Variants in USP47 observed in about 807,000 individuals in gnomAD.
USP47 encodes ubiquitin carboxyl-terminal hydrolase 47.
Under a neutral mutation model 165.1 loss-of-function variants are expected in USP47, and 35 were observed. That is an observed-to-expected ratio of 0.21 (90% CI 0.16 to 0.28). USP47 has a LOEUF of 0.28. USP47 is among the 10% of genes least tolerant of loss of function. The pLI is 1.00. For missense variants in USP47, 1,277 were observed against 1,607.4 expected (o/e 0.79, Z 3.52); for synonymous variants, 531 against 544.5 (o/e 0.98, Z 0.35).
intron 1 of USP47, among the ~76,000 whole-genome samples, chr11:11,845,539 A>G (rs997150908): frequency 2.0e-5 from 3 of 151,690 alleles, no homozygotes; most frequent in African/African-American, 7.3e-5. Context: ...TTTATATATT[A>G]TTTGTTGTGA....
intron 27 of USP47, 126 bp downstream of exon 27, chr11:11,955,290 G>A: frequency 1.7e-6 from 2 of 1,160,798 alleles, no homozygotes; most frequent in Admixed American, 2.9e-5. Context: ...GAAATACAGT[G>A]ACAGCCAAAC....
chr11:11,884,905 C>G (rs1003546231), intron 3 of USP47, among the ~76,000 whole-genome samples: 3 of 152,112 alleles, frequency 2.0e-5, no homozygotes, highest in African/African-American at 7.2e-5. Flanking sequence ...TCAGTAGTGA[C>G]CCTTCCTTTG....
In USP47 at chr11:11,956,167, C is replaced by T. The variant is rs1564898558; in HGVS notation, c.4060C>T (p.Gln1354Ter). The T allele has an allele frequency of 1.9e-6, 3 of 1,613,892 alleles. No homozygotes were observed. Among genetic ancestry groups the T allele is most frequent in the Non-Finnish European group, 2.5e-6 (3 of 1,179,960 alleles). The change falls in exon 28 of 28, where the codon CAA (glutamine) becomes TAA (stop). Residue 1354 changes from glutamine (Q) to a stop codon, truncating the protein, a stop_gained. Coordinates refer to ENST00000527733, the MANE Select transcript of USP47 (RefSeq NM_001282659.2). LOFTEE classifies it high-confidence loss of function. Reference protein sequence around the residue: ...LDGAPNKDLTQD With the variant: ...LDGAPNKDLT ...TGGAGCACCAAATAAAGATCTGACT[C>T]AAGACTGACTCTGATAGTGTAGCAT...
At chr11:11,922,498 A>G (rs1325264303) in intron 10 of USP47, among the ~76,000 whole-genome samples, 2 of 151,990 alleles carry the variant, frequency 1.3e-5, no homozygotes, top group Non-Finnish European at 2.9e-5. Flanking sequence ...AATTTGTTGT[A>G]TTAGAATTTT....
intron 19 of USP47, among the ~76,000 whole-genome samples, chr11:11,941,776 T>C (rs923673675): frequency 1.3e-5 from 2 of 152,120 alleles, no homozygotes; most frequent in Non-Finnish European, 2.9e-5. Flanking sequence ...CAATATCTAG[T>C]CAGTGTTCAA....
rs1199088116 is a variant in USP47 at position 11,959,656 on chromosome 11, G to C, written c.*3481G>C. 6.6e-6 allele frequency among the ~76,000 whole-genome samples: 1 copy of C among 152,198 alleles called. No individual in the cohort carries two copies. Among genetic ancestry groups the C allele is most frequent in the African/African-American group, 2.4e-5 (1 of 41,444 alleles). ...ACTGCACAAACTCAAGCATGCATTG[G>C]AGCATGTGTTACTATTTAGAAAAGA... On this transcript the variant is annotated 3_prime_UTR_variant, in exon 28 of 28. Transcript: ENST00000527733.
In USP47 at chr11:11,884,522, G is replaced by A. The variant is rs745337382; in HGVS notation, c.299G>A (p.Gly100Glu). 51 of 1,612,088 alleles carry A rather than the reference G, an allele frequency of 3.2e-5. No individual in the cohort carries two copies. Among genetic ancestry groups the A allele is most frequent in the Non-Finnish European group, 4.2e-5 (49 of 1,179,360 alleles). The change falls in exon 3 of 28, where the codon GGA (glycine) becomes GAA (glutamate). Residue 100 changes from glycine (G) to glutamate (E), a missense_variant. This residue lies in a region of USP47 where 181 missense variants were observed against 194.7 expected (regional missense o/e 0.93). Coordinates refer to ENST00000527733, the MANE Select transcript of USP47 (RefSeq NM_001282659.2). Reference protein sequence around the residue: ...KSLLDANFEPGKKNFLHLTDK... With the variant: ...KSLLDANFEPEKKNFLHLTDK... ...CTTCTCGACGCTAATTTTGAGCCAG[G>A]AAAGAAGAACTTTCTGCATTTGACA...
intron 3 of USP47, among the ~76,000 whole-genome samples, chr11:11,885,361 A>G (rs1279136247): frequency 6.6e-6 from 1 of 152,188 alleles, no homozygotes; most frequent in East Asian, 1.9e-4. Context: ...CTGATTAGGC[A>G]AACAACTCAA....
intron 1 of USP47, among the ~76,000 whole-genome samples, chr11:11,862,710 G>A (rs1419535151): frequency 6.6e-6 from 1 of 152,024 alleles, no homozygotes; most frequent in Non-Finnish European, 1.5e-5. Flanking sequence ...AAACGTATGG[G>A]ATACAAGCAT....
chr11:11,960,186 C>T lies in USP47; in HGVS notation c.*4011C>T, dbSNP rs1847388938. 6.6e-6 allele frequency among the ~76,000 whole-genome samples: 1 copy of T among 152,152 alleles called. No homozygotes were observed. The highest frequency in any genetic ancestry group is 1.5e-5 in the Non-Finnish European group (1 of 68,038). On this transcript the variant is annotated 3_prime_UTR_variant, in exon 28 of 28. Coordinates refer to ENST00000527733, the MANE Select transcript of USP47 (RefSeq NM_001282659.2). Reference sequence around the variant, plus strand: ...GCTCCCCTGAACCTCCATAGTGCCTCCAAGATGTGCTGTCCCTGCCAACTC... The same window carrying T: ...GCTCCCCTGAACCTCCATAGTGCCTTCAAGATGTGCTGTCCCTGCCAACTC...
chr11:11,902,921 A>C, intron 6 of USP47, 61 bp downstream of exon 6: 1 of 1,450,722 alleles, frequency 6.9e-7, no homozygotes, highest in Non-Finnish European at 9.1e-7. Flanking sequence ...GAAGACAATA[A>C]TATTACAAAC....
At chr11:11,873,800 G>C in intron 1 of USP47, 1 of 1,466,770 alleles carries the variant, frequency 6.8e-7, no homozygotes, top group Non-Finnish European at 9.0e-7. Flanking sequence ...TATACCATAG[G>C]ATGTGTTTTG....
rs1851033632 is a variant in USP47, at chr11:11,884,548, G to C, written c.325G>C (p.Asp109His). 6.2e-7 allele frequency: 1 copy of C among 1,610,052 alleles called. No homozygotes were observed. The highest frequency in any genetic ancestry group is 1.7e-5 in the Admixed American group (1 of 58,962). The change falls in exon 3 of 28, where the codon GAT becomes CAT. Residue 109 changes from aspartate to histidine, a missense_variant. By Grantham distance (81) the Asp-to-His change is moderately conservative. Coordinates refer to ENST00000527733, the MANE Select transcript of USP47 (RefSeq NM_001282659.2). The stretch of plus-strand genomic sequence containing the variant: ...AAAGAAGAACTTTCTGCATTTGACA[G>C]ATAAAGATGGTGAACAACCTCAAAT... ...PGKKNFLHLT[D>H]KDGEQPQILL...
intron 5 of USP47, among the ~76,000 whole-genome samples, chr11:11,899,168 A>G (rs1007418299): frequency 6.6e-6 from 1 of 152,024 alleles, no homozygotes; most frequent in African/African-American, 2.4e-5. Context: ...GTACTGGAGG[A>G]TGAGGTTAAT....
In USP47 at chr11:11,958,073, T is replaced by A. The variant is rs1402129332; in HGVS notation, c.*1898T>A. The A allele has an allele frequency of 6.6e-6, 1 of 152,204 alleles. No individual in the cohort carries two copies. Among genetic ancestry groups the A allele is most frequent in the African/African-American group, 2.4e-5 (1 of 41,448 alleles). 9.4% of individuals were successfully genotyped at this position (152,204 alleles called of 1,614,324 possible). A position where few individuals can be genotyped will look rare whatever the true frequency, so the allele number is the denominator to read the frequency against. On this transcript the variant is annotated 3_prime_UTR_variant, in exon 28 of 28. Coordinates refer to ENST00000527733, the MANE Select transcript of USP47 (RefSeq NM_001282659.2). ...TGGTTCTGATACAGGCCTGCTTACTTGGGATGTAGGGTTAGTAAATGGGGT... is the reference window on the plus strand; with the variant it reads ...TGGTTCTGATACAGGCCTGCTTACTAGGGATGTAGGGTTAGTAAATGGGGT...
At chr11:11,920,956 A>AT (rs61295563) in intron 10 of USP47, among the ~76,000 whole-genome samples, 109,559 of 151,552 alleles carry the variant, frequency 0.72, 40,538 homozygotes, top group Middle Eastern at 0.9. Context: ...TGTATTTACT[A>AT]TTTGTCTGTT....
At chr11:11,924,238 A>G (rs182353491) in intron 11 of USP47, among the ~76,000 whole-genome samples, 12 of 152,276 alleles carry the variant, frequency 7.9e-5, no homozygotes, top group African/African-American at 2.4e-4. Context: ...ATGATCATGT[A>G]TGTAATTTTC....
At chr11:11,848,969 A>G (rs981166270) in intron 1 of USP47, among the ~76,000 whole-genome samples, 24 of 151,506 alleles carry the variant, frequency 1.6e-4, no homozygotes, top group African/African-American at 5.8e-4. Context: ...TTTTCAGTTT[A>G]AGTAAAAATG....
At chr11:11,933,145 G>T in intron 15 of USP47, 29 bp downstream of exon 15, 1 of 1,587,226 alleles carries the variant, frequency 6.3e-7, no homozygotes, top group Non-Finnish European at 8.6e-7. Flanking sequence ...ATTTTTAATT[G>T]AAAGTGCTAT....
Sources: gnomAD v4.1 joint callset for allele counts (sites outside exome capture counted in the v4.1 genomes callset) on GRCh38, gnomAD v4.1.1 for gene constraint, gnomAD v4.1.1 regional missense constraint, MANE v1.5 for transcripts, NCBI Gene and HGNC (gene_info 2026-07-23, HGNC 2026-07-21) for gene names.